Variants in SLC6A13 observed in about 807,000 individuals in gnomAD.
SLC6A13 encodes the protein solute carrier family 6 member 13.
A neutral mutation model predicts 72.9 loss-of-function variants in SLC6A13; 69 were observed. The observed-to-expected ratio is 0.95, with a 90% CI of 0.78 to 1.16. The LOEUF (loss-of-function observed/expected upper bound fraction) is 1.16, where lower values mean the gene tolerates loss of function less well. SLC6A13 is among the 50% of genes most tolerant of loss of function. SLC6A13 has a pLI of 0.00. For missense variants in SLC6A13, 735 were observed against 760.5 expected (o/e 0.97, Z 0.39); for synonymous variants, 303 against 303.0 (o/e 1.00, Z 0.00).
intron 9 of SLC6A13, 112 bp downstream of exon 9, chr12:226,275 ATGG>A: frequency 4.7e-6 from 6 of 1,283,282 alleles, no homozygotes; most frequent in Non-Finnish European, 5.6e-6. Flanking sequence ...CATCCACTGA[ATGG>A]TGGCCGTAGC....
chr12:221,609 C>T lies in SLC6A13; in HGVS notation c.1516-63G>A, dbSNP rs904900365. ...GGGGGCCTTGTGCCCTCAGCTCCCCCGCTCCCCAGCAGCCTGGCAGAAATC... is the reference window on the plus strand; with the variant it reads ...GGGGGCCTTGTGCCCTCAGCTCCCCTGCTCCCCAGCAGCCTGGCAGAAATC... On this transcript the variant is annotated intron_variant, in intron 13 of 14. Coordinates refer to ENST00000343164, the MANE Select transcript of SLC6A13 (RefSeq NM_016615.5). 9.0e-5 allele frequency: 99 copies of T among 1,095,140 alleles called. No individual in the cohort carries two copies. In the South Asian group the frequency reaches 9.9e-4, roughly 11 times the overall value. 67.8% of individuals were successfully genotyped at this position (1,095,140 alleles called of 1,614,324 possible).
At chr12:257,704 C>T (rs1211138296) in intron 2 of SLC6A13, among the ~76,000 whole-genome samples, 2 of 126,922 alleles carry the variant, frequency 1.6e-5, no homozygotes, top group African/African-American at 5.0e-5. Context: ...CACAGACTCA[C>T]CACGCAGCCC....
rs145690208 is a variant in SLC6A13, at chr12:231,832, G to A, written c.831+3258C>T. On this transcript the variant is annotated intron_variant, in intron 7 of 14. Transcript: ENST00000343164. ...CAAACATGGCACCTGGAACAGATCC[G>A]GCACATAGTAGGTGCTCATAGTAGA... 3.2e-3 allele frequency among the ~76,000 whole-genome samples: 483 copies of A among 152,308 alleles called. 5 individuals carry two copies. Among genetic ancestry groups the A allele is most frequent in the African/African-American group, 0.011 (469 of 41,556 alleles).
intron 7 of SLC6A13, among the ~76,000 whole-genome samples, chr12:231,373 G>A (rs1941702216): frequency 6.6e-6 from 1 of 152,208 alleles, no homozygotes; most frequent in African/African-American, 2.4e-5. Flanking sequence ...CTGTGTCGGG[G>A]AGAAGACATT....
intron 4 of SLC6A13, among the ~76,000 whole-genome samples, chr12:240,976 G>T (rs899032941): frequency 1.3e-5 from 2 of 152,192 alleles, no homozygotes; most frequent in Non-Finnish European, 2.9e-5. Context: ...GCAAGTAAAG[G>T]ATTCAAACTC....
intron 7 of SLC6A13, among the ~76,000 whole-genome samples, chr12:234,145 C>A (rs368430970): frequency 6.6e-6 from 1 of 152,120 alleles, no homozygotes; most frequent in African/African-American, 2.4e-5. Flanking sequence ...ATGGTCTCTG[C>A]GCCCAGGAGG....
chr12:229,671 G>A (rs993256076), intron 7 of SLC6A13, among the ~76,000 whole-genome samples: 2 of 152,222 alleles, frequency 1.3e-5, no homozygotes, highest in Non-Finnish European at 2.9e-5. Flanking sequence ...CATTCAGGGT[G>A]TGTCCCGGGA....
chr12:261,088 T>C (rs1332583829), intron 1 of SLC6A13, among the ~76,000 whole-genome samples: 1 of 152,172 alleles, frequency 6.6e-6, no homozygotes, highest in East Asian at 1.9e-4. Flanking sequence ...TAGGAGTCTG[T>C]GACAGTAGAG....
intron 2 of SLC6A13, chr12:259,426 A>G (rs149080676): frequency 6.4e-6 from 7 of 1,100,990 alleles, no homozygotes; most frequent in Non-Finnish European, 7.8e-6. Flanking sequence ...CGTCATCATC[A>G]GCAGAGCTAC....
chr12:242,738 G>T lies in SLC6A13; in HGVS notation c.354C>A (p.Ser118=). The change falls in exon 4 of 15, where the codon TCC becomes TCA. Residue 118 remains serine (S), a synonymous_variant. Transcript: ENST00000343164. The stretch of plus-strand genomic sequence containing the variant: ...CGTTGAGGAGGATGACGATCATCTG[G>T]GAGGCATAGCCAATGCCTGCGGGGA... ...CPIFEGIGYA[S]QMIVILLNVY... The T allele has an allele frequency of 6.3e-7, 1 of 1,591,104 alleles. No homozygotes were observed. The highest frequency in any genetic ancestry group is 8.6e-7 in the Non-Finnish European group (1 of 1,168,242).
At position 222,644 on chromosome 12, in the gene SLC6A13, A is replaced by C. The variant is rs199936924; in HGVS notation, c.1415-12T>G. 11 of 1,569,968 alleles carry C rather than the reference A, an allele frequency of 7.0e-6. No individual in the cohort carries two copies. In the African/African-American group the frequency reaches 1.5e-4, roughly 21 times the overall value. Reference sequence around the variant, plus strand: ...GAAGCGCTTGGCTCCTACCATGGAGAAAAGAAGAAGGAAGGAGGAGAAAGT... The same window carrying C: ...GAAGCGCTTGGCTCCTACCATGGAGCAAAGAAGAAGGAAGGAGGAGAAAGT... On this transcript the variant is annotated splice_polypyrimidine_tract_variant and intron_variant, in intron 12 of 14. Transcript: ENST00000343164.
chr12:260,130 C>T, intron 1 of SLC6A13, 73 bp from the exon 2 acceptor site: 1 of 1,506,172 alleles, frequency 6.6e-7, no homozygotes. Flanking sequence ...CTTTTACCAA[C>T]AAATCCATAA....
intron 10 of SLC6A13, 38 bp from the exon 11 acceptor site, chr12:224,167 C>T (rs755271879): frequency 6.2e-7 from 1 of 1,612,354 alleles, no homozygotes; most frequent in Admixed American, 1.7e-5. Context: ...GGAAGGAGAG[C>T]TCCCGAGATG....
chr12:233,318 C>A (rs1177262545), intron 7 of SLC6A13, among the ~76,000 whole-genome samples: 1 of 152,188 alleles, frequency 6.6e-6, no homozygotes, highest in Non-Finnish European at 1.5e-5. Context: ...CAGATGGCTG[C>A]CAAAGAGGGG....
intron 1 of SLC6A13, among the ~76,000 whole-genome samples, chr12:260,566 T>C (rs1178977196): frequency 6.6e-6 from 1 of 152,262 alleles, no homozygotes; most frequent in Non-Finnish European, 1.5e-5. Context: ...ATATTTATTG[T>C]TCATAACAGC....
intron 7 of SLC6A13, among the ~76,000 whole-genome samples, chr12:232,381 C>T (rs183827994): frequency 2.6e-5 from 4 of 152,302 alleles, no homozygotes; most frequent in Non-Finnish European, 4.4e-5. Flanking sequence ...ACTCTTCACC[C>T]GGCTTCAAAG....
Position 259,962 on chromosome 12 carries a change from C to G in SLC6A13, c.91G>C (p.Glu31Gln). Reference sequence around the variant, plus strand: ...ATCTTGTTGTTCCAGTGCCCCCGCTCCAGGGTGCCATCTTCCTCCTTCTTT... The same window carrying G: ...ATCTTGTTGTTCCAGTGCCCCCGCTGCAGGGTGCCATCTTCCTCCTTCTTT... ...MEKKEEDGTL[E>Q]RGHWNNKMEF... The change falls in exon 2 of 15, where the codon GAG becomes CAG. Residue 31 changes from glutamate to glutamine, a missense_variant. Coordinates refer to ENST00000343164, the MANE Select transcript of SLC6A13 (RefSeq NM_016615.5). 6.2e-7 allele frequency: 1 copy of G among 1,614,218 alleles called. No individual in the cohort carries two copies.
chr12:223,941 C>T (rs761263150), intron 11 of SLC6A13, 51 bp downstream of exon 11: 4 of 1,605,742 alleles, frequency 2.5e-6, no homozygotes, highest in Non-Finnish European at 3.4e-6. Context: ...CAGGTAGCAG[C>T]TGTCACTTGG....
chr12:243,848 A>C (rs1344924583), intron 2 of SLC6A13, 35 bp from the exon 3 acceptor site: 1 of 1,606,314 alleles, frequency 6.2e-7, no homozygotes, highest in Non-Finnish European at 8.5e-7. Context: ...ATTTCCTGGG[A>C]CTATTCTCCT....
Sources: allele counts gnomAD v4.1 joint callset (sites outside exome capture counted in the v4.1 genomes callset), GRCh38; gene constraint gnomAD v4.1.1; transcripts MANE v1.5; gene names NCBI Gene and HGNC (gene_info 2026-07-23, HGNC 2026-07-21).